RPRD1A: variants seen among roughly 807,000 people sequenced by gnomAD.
RPRD1A encodes the protein regulation of nuclear pre-mRNA domain containing 1A, also known as regulation of nuclear pre-mRNA domain-containing protein 1A.
Under a neutral mutation model 37.8 loss-of-function variants are expected in RPRD1A, and 9 were observed. The observed-to-expected ratio is 0.24, with a 90% confidence interval of 0.14 to 0.42. The LOEUF is 0.42. RPRD1A is among the 10% of genes least tolerant of loss of function. RPRD1A has a pLI of 1.00. For missense variants in RPRD1A, 255 were observed against 371.0 expected, an observed-to-expected ratio of 0.69 and a Z score of 2.57; for synonymous variants, 138 against 139.7, an observed-to-expected ratio of 0.99 and a Z score of 0.08.
At position 36,064,692 on chromosome 18, in the gene RPRD1A, G is replaced by A. The variant is rs538007699; in HGVS notation, c.151+2562C>T. Among the ~76,000 whole-genome samples the A allele has an allele frequency of 4.6e-5, 7 of 152,298 alleles. No individual in the cohort carries two copies. In the East Asian group the frequency reaches 9.6e-4, roughly 21 times the overall value. On this transcript the variant is annotated intron_variant, in intron 1 of 6. Coordinates refer to ENST00000399022, the MANE Select transcript of RPRD1A (RefSeq NM_018170.5). Reference sequence around the variant, plus strand: ...TGTAAAATGGACCAATCAGCAGGACGTGGCTGGGGCCAGATAAGAGAATAA... The same window carrying A: ...TGTAAAATGGACCAATCAGCAGGACATGGCTGGGGCCAGATAAGAGAATAA...
intron 1 of RPRD1A, among the ~76,000 whole-genome samples, chr18:36,053,160 C>A (rs533813437): frequency 3.6e-4 from 55 of 152,258 alleles, no homozygotes; most frequent in African/African-American, 1.3e-3. Context: ...AAGATACTTA[C>A]ATCATTTATA....
chr18:36,032,508 C>T (rs1911867163), intron 2 of RPRD1A, among the ~76,000 whole-genome samples: 2 of 152,286 alleles, frequency 1.3e-5, no homozygotes, highest in Admixed American at 1.3e-4. Context: ...GACTTCATCT[C>T]TAAAACAAAT....
intron 6 of RPRD1A, among the ~76,000 whole-genome samples, chr18:35,998,713 T>A (rs2144149617): frequency 6.6e-6 from 1 of 152,254 alleles, no homozygotes; most frequent in Middle Eastern, 3.4e-3. Context: ...TCCAGGCAAA[T>A]TTTCACTTTG....
At chr18:35,998,133 C>T (rs557018861) in intron 6 of RPRD1A, among the ~76,000 whole-genome samples, 60 of 152,242 alleles carry the variant, frequency 3.9e-4, no homozygotes, top group African/African-American at 8.4e-4. Context: ...CCAAGGCGGG[C>T]GGATCACCTG....
chr18:36,064,791 C>T (rs1291227455), intron 1 of RPRD1A, among the ~76,000 whole-genome samples: 1 of 152,212 alleles, frequency 6.6e-6, no homozygotes, highest in Non-Finnish European at 1.5e-5. Context: ...TGTTCTTTCA[C>T]TCTTCACAAT....
chr18:36,013,320 T>A (rs547121358), intron 6 of RPRD1A, among the ~76,000 whole-genome samples: 5 of 151,664 alleles, frequency 3.3e-5, no homozygotes, highest in Non-Finnish European at 5.9e-5. Context: ...AACAAAACCA[T>A]AGGAAATAGT....
At chr18:36,048,547 T>C (rs572523006) in intron 1 of RPRD1A, among the ~76,000 whole-genome samples, 1 of 151,652 alleles carries the variant, frequency 6.6e-6, no homozygotes, top group Non-Finnish European at 1.5e-5. Flanking sequence ...AATCAATTAA[T>C]GCAGAAGAGG....
rs149217810 is a variant in RPRD1A at position 36,025,494 on chromosome 18, T to C, written c.789+1406A>G. ...TACACTTCAAATATAAATTCTGTTT[T>C]TGTAAACAGTGACAAATGACCATCA... On this transcript the variant is annotated intron_variant, in intron 6 of 6. Transcript: ENST00000399022. The C allele has an allele frequency of 1.3e-3, 647 of 496,232 alleles. 14 individuals carry two copies. In the East Asian group the frequency reaches 0.043, roughly 33 times the overall value. 30.7% of individuals were successfully genotyped at this position (496,232 alleles called of 1,614,324 possible).
In RPRD1A at chr18:36,008,577, G is replaced by GTGTGTGTATATATATATATATATATATA; in HGVS notation, c.790-15278_790-15277insTATATATATATATATATATATACACACA. Among the ~76,000 whole-genome samples, 247 of 47,756 alleles carry GTGTGTGTATATATATATATATATATATA rather than the reference G, an allele frequency of 5.2e-3. 12 individuals are homozygous for GTGTGTGTATATATATATATATATATATA. The highest frequency in any genetic ancestry group is 6.3e-3 in the Non-Finnish European group (148 of 23,496). The allele number at this position is 47,756 out of a possible 152,430, so 31.3% of individuals were successfully genotyped here. ...GGCGACACAGCAAGACCTTGTGTGT[G>GTGTGTGTATATATATATATATATATATA]TATATATATATATCTTTAAAAATCT... On this transcript the variant is annotated intron_variant, in intron 6 of 6. Transcript: ENST00000399022.
At chr18:36,001,354 A>G (rs1909405861) in intron 6 of RPRD1A, among the ~76,000 whole-genome samples, 1 of 152,198 alleles carries the variant, frequency 6.6e-6, no homozygotes. Flanking sequence ...AGGAATTTAA[A>G]GAAATGACCC....
At chr18:36,007,605 C>T (rs1428390514) in intron 6 of RPRD1A, among the ~76,000 whole-genome samples, 1 of 152,092 alleles carries the variant, frequency 6.6e-6, no homozygotes, top group East Asian at 1.9e-4. Flanking sequence ...AATGAGATCA[C>T]CACCAAAATC....
At chr18:36,002,560 G>C (rs781502981) in intron 6 of RPRD1A, among the ~76,000 whole-genome samples, 5 of 151,892 alleles carry the variant, frequency 3.3e-5, no homozygotes, top group Non-Finnish European at 7.4e-5. Context: ...TTTTCCCCTA[G>C]CATTTGCTTT....
chr18:36,022,678 A>T (rs1303151435), intron 6 of RPRD1A, among the ~76,000 whole-genome samples: 2 of 152,334 alleles, frequency 1.3e-5, no homozygotes, highest in Non-Finnish European at 2.9e-5. Context: ...AAATATTACT[A>T]TTGGCCAGAT....
intron 6 of RPRD1A, among the ~76,000 whole-genome samples, chr18:36,007,587 T>C (rs992017668): frequency 2.0e-5 from 3 of 151,994 alleles, no homozygotes; most frequent in African/African-American, 4.8e-5. Context: ...TTAAGGGAAG[T>C]TGATAAAAAT....
At chr18:36,039,658 A>T (rs554632011) in intron 1 of RPRD1A, among the ~76,000 whole-genome samples, 55 of 152,336 alleles carry the variant, frequency 3.6e-4, no homozygotes, top group African/African-American at 1.3e-3. Context: ...ACTCATTTTT[A>T]TATGCTGCAA....
Position 36,067,377 on chromosome 18 carries a change from C to CAGAGAAGCCT in RPRD1A, c.27_28insAGGCTTCTCT (p.Glu10ArgfsTer4). On this transcript the variant is annotated frameshift_variant, in exon 1 of 7. Coordinates refer to ENST00000399022, the MANE Select transcript of RPRD1A (RefSeq NM_018170.5). LOFTEE classifies it high-confidence loss of function. ...TTGCTCAACTCCGACAGCTTCTTCTCCAGCGCCGCCTCAGAGAAGGCTGAC... is the reference window on the plus strand; with the variant it reads ...TTGCTCAACTCCGACAGCTTCTTCTCAGAGAAGCCTCAGCGCCGCCTCAGAGAAGGCTGAC... 1.2e-6 allele frequency: 2 copies of CAGAGAAGCCT among 1,607,740 alleles called. No individual in the cohort carries two copies. Among genetic ancestry groups the CAGAGAAGCCT allele is most frequent in the Non-Finnish European group, 1.7e-6 (2 of 1,177,344 alleles).
intron 1 of RPRD1A, among the ~76,000 whole-genome samples, chr18:36,066,229 A>G (rs2089028496): frequency 1.3e-5 from 2 of 152,210 alleles, no homozygotes; most frequent in African/African-American, 4.8e-5. Context: ...AACAATATAC[A>G]AGGACAGATT....
Position 35,992,398 on chromosome 18 carries a change from C to T in RPRD1A, c.*753G>A, listed in dbSNP as rs879843760. 5.9e-5 allele frequency: 9 copies of T among 152,178 alleles called. No individual in the cohort carries two copies. The highest frequency in any genetic ancestry group is 4.4e-5 in the Non-Finnish European group (3 of 68,024). 9.4% of individuals were successfully genotyped at this position (152,178 alleles called of 1,614,324 possible). A position where few individuals can be genotyped will look rare whatever the true frequency, so the allele number is the denominator to read the frequency against. On this transcript the variant is annotated 3_prime_UTR_variant, in exon 7 of 7. Coordinates refer to ENST00000399022, the MANE Select transcript of RPRD1A (RefSeq NM_018170.5). ...CCAGTTCCAGAACCAAAGTTGTCCT[C>T]TTGGTAGAATGTCAAAATGTATATT...
intron 1 of RPRD1A, among the ~76,000 whole-genome samples, chr18:36,042,338 C>A (rs1485267318): frequency 6.6e-6 from 1 of 152,174 alleles, no homozygotes; most frequent in Non-Finnish European, 1.5e-5. Flanking sequence ...CCATTGAGAG[C>A]AATGACTGTC....
Sources: allele counts gnomAD v4.1 joint callset (sites outside exome capture counted in the v4.1 genomes callset), GRCh38; gene constraint gnomAD v4.1.1; transcripts MANE v1.5; gene names NCBI Gene and HGNC (gene_info 2026-07-23, HGNC 2026-07-21).